The following RORA variants were observed in gnomAD, a reference collection of about 807,000 sequenced individuals.
The protein encoded by RORA is RAR related orphan receptor A.
In RORA, 7 loss-of-function variants were observed where a neutral mutation model predicts 69.5. The observed-to-expected ratio is 0.10, with a 90% confidence interval of 0.06 to 0.19. The LOEUF (loss-of-function observed/expected upper bound fraction) is 0.19. Among genes scored for constraint, RORA ranks in the 10% least tolerant of loss-of-function variants. The pLI is 1.00. For synonymous variants in RORA, 261 were observed against 240.8 expected, an observed-to-expected ratio of 1.08 and a Z score of -0.78; for missense variants, 457 against 663.0, an observed-to-expected ratio of 0.69 and a Z score of 3.41.
chr15:61,059,308 G>T (rs2078138073), intron 1 of RORA, among the ~76,000 whole-genome samples: 1 of 152,236 alleles, frequency 6.6e-6, no homozygotes, highest in African/African-American at 2.4e-5. Flanking sequence ...TGCCTACTGA[G>T]AGAAACATAA....
intron 1 of RORA, among the ~76,000 whole-genome samples, chr15:60,871,370 T>C (rs1034176176): frequency 1.6e-4 from 24 of 152,236 alleles, no homozygotes; most frequent in African/African-American, 5.8e-4. Flanking sequence ...AATAATGGCC[T>C]TCACTGAATC....
intron 1 of RORA, among the ~76,000 whole-genome samples, chr15:61,141,791 C>G (rs2079301483): frequency 2.6e-5 from 4 of 152,210 alleles, no homozygotes; most frequent in Admixed American, 2.6e-4. Flanking sequence ...CCTCAAATCG[C>G]CCTGCAAAAT....
intron 2 of RORA, among the ~76,000 whole-genome samples, chr15:60,565,425 C>A (rs1304211411): frequency 3.3e-5 from 5 of 152,132 alleles, no homozygotes; most frequent in African/African-American, 1.2e-4. Context: ...ATTTGGAATA[C>A]CTTGTTGCTG....
chr15:61,041,727 A>G (rs1259582226), intron 1 of RORA, among the ~76,000 whole-genome samples: 1 of 152,156 alleles, frequency 6.6e-6, no homozygotes, highest in Admixed American at 6.6e-5. Flanking sequence ...CCCAGCTAGT[A>G]TGTTCATTTT....
intron 1 of RORA, among the ~76,000 whole-genome samples, chr15:60,919,695 A>C (rs553002121): frequency 6.2e-4 from 94 of 152,318 alleles, no homozygotes; most frequent in African/African-American, 2.2e-3. Flanking sequence ...AGAAATCTGA[A>C]GTCCACACTG....
At chr15:61,195,256 C>T (rs941964049) in intron 1 of RORA, among the ~76,000 whole-genome samples, 2 of 152,018 alleles carry the variant, frequency 1.3e-5, no homozygotes, top group African/African-American at 2.4e-5. Context: ...CAGCCAAGCT[C>T]GTGAAAGTTA....
At chr15:60,529,277 C>T (rs1332342810) in intron 3 of RORA, 1 of 152,120 alleles carries the variant, frequency 6.6e-6, no homozygotes, top group African/African-American at 2.4e-5. Flanking sequence ...AAGTTATTTA[C>T]AATTGATCAT....
chr15:61,062,787 T>G (rs2078205036), intron 1 of RORA, among the ~76,000 whole-genome samples: 2 of 152,064 alleles, frequency 1.3e-5, no homozygotes, highest in African/African-American at 4.8e-5. Context: ...GAAAAAGCAG[T>G]CTCCATCCCC....
rs376090768 is a variant in RORA, at chr15:60,614,853, A to G, written c.196+63804T>C. On this transcript the variant is annotated intron_variant, in intron 2 of 10. Transcript: ENST00000335670. ...GACAGACACTGACATGCTTACATAC[A>G]TATAGCTGCCTGGAGCATAGTAAGC... 3.2e-6 allele frequency: 5 copies of G among 1,551,890 alleles called. No individual in the cohort carries two copies. In the African/African-American group the frequency reaches 6.8e-5, roughly 21 times the overall value.
intron 2 of RORA, among the ~76,000 whole-genome samples, chr15:60,532,987 G>T (rs2066571797): frequency 6.6e-6 from 1 of 152,154 alleles, no homozygotes; most frequent in Non-Finnish European, 1.5e-5. Context: ...GTCACATAGT[G>T]TAAGTACCAC....
intron 1 of RORA, among the ~76,000 whole-genome samples, chr15:60,842,309 C>A (rs2073209631): frequency 6.6e-6 from 1 of 152,132 alleles, no homozygotes; most frequent in Non-Finnish European, 1.5e-5. Context: ...CTTGGCTGCC[C>A]ATGGGCTGCA....
intron 1 of RORA, among the ~76,000 whole-genome samples, chr15:60,751,344 A>G (rs1267647026): frequency 6.6e-6 from 1 of 152,218 alleles, no homozygotes; most frequent in African/African-American, 2.4e-5. Context: ...GACTAGCAGG[A>G]AACGGATCAC....
At chr15:61,090,723 T>C (rs1158435242) in intron 1 of RORA, among the ~76,000 whole-genome samples, 4 of 152,102 alleles carry the variant, frequency 2.6e-5, no homozygotes, top group African/African-American at 9.7e-5. Context: ...AGACAAGCTG[T>C]TTAGTTAATG....
At chr15:60,741,308 G>A (rs1421914875) in intron 1 of RORA, among the ~76,000 whole-genome samples, 1 of 152,164 alleles carries the variant, frequency 6.6e-6, no homozygotes, top group Non-Finnish European at 1.5e-5. Context: ...CCTTGCAGGG[G>A]CTGCGTGCGC....
chr15:61,181,976 G>T (rs778756848), intron 1 of RORA, among the ~76,000 whole-genome samples: 6 of 152,154 alleles, frequency 3.9e-5, no homozygotes, highest in Non-Finnish European at 7.4e-5. Context: ...ACCCTTTTGT[G>T]AGACTTTGAA....
intron 2 of RORA, among the ~76,000 whole-genome samples, chr15:60,602,893 T>G (rs552324151): frequency 6.6e-6 from 1 of 152,254 alleles, no homozygotes; most frequent in East Asian, 1.9e-4. Flanking sequence ...ACAGAACAGT[T>G]CTATTCCCCT....
chr15:60,593,036 G>T, intron 2 of RORA: 1 of 441,170 alleles, frequency 2.3e-6, no homozygotes, highest in Non-Finnish European at 4.5e-6. Context: ...GCTCTAATCG[G>T]AAGGTACGGC....
chr15:60,729,092 G>A (rs1222556260), intron 1 of RORA, among the ~76,000 whole-genome samples: 1 of 152,058 alleles, frequency 6.6e-6, no homozygotes, highest in African/African-American at 2.4e-5. Context: ...AGGAAAGGCC[G>A]AAGCTGATGC....
chr15:60,698,215 T>G (rs1227927314), intron 1 of RORA, among the ~76,000 whole-genome samples: 1 of 152,154 alleles, frequency 6.6e-6, no homozygotes, highest in African/African-American at 2.4e-5. Context: ...GTTTCAAGAA[T>G]GGGGAATGCT....
Sources: allele counts gnomAD v4.1 joint callset (sites outside exome capture counted in the v4.1 genomes callset), GRCh38; gene constraint gnomAD v4.1.1; transcripts MANE v1.5; gene names NCBI Gene and HGNC (gene_info 2026-07-23, HGNC 2026-07-21).